Variants in VWC2L observed in about 807,000 individuals in gnomAD.
VWC2L encodes von Willebrand factor C domain-containing protein 2-like.
VWC2L carries 10 observed loss-of-function variants against 21.6 expected under a neutral mutation model. The ratio of observed to expected loss-of-function variants is 0.46; its 90% CI spans 0.29 to 0.78. The LOEUF (loss-of-function observed/expected upper bound fraction) is 0.78. Among genes scored for constraint, VWC2L ranks in the 30% least tolerant of loss-of-function variants. The pLI, the probability that VWC2L is intolerant of heterozygous loss-of-function variation, is 0.10. For synonymous variants in VWC2L, 96 were observed against 94.3 expected, an observed-to-expected ratio of 1.02 and a Z score of -0.10; for missense variants, 209 against 277.1, an observed-to-expected ratio of 0.75 and a Z score of 1.74.
chr2:214,511,141 G>A (rs944627594), intron 3 of VWC2L, among the ~76,000 whole-genome samples: 17 of 151,782 alleles, frequency 1.1e-4, no homozygotes, highest in African/African-American at 4.1e-4. Context: ...TTAAAAATTA[G>A]CCAAATGCAG....
At chr2:214,532,697 A>C (rs2105916767) in intron 3 of VWC2L, among the ~76,000 whole-genome samples, 1 of 152,204 alleles carries the variant, frequency 6.6e-6, no homozygotes, top group African/African-American at 2.4e-5. Context: ...ATTTATAAGC[A>C]AAAAACCTGA....
At chr2:214,432,230 T>G (rs1702610814) in intron 2 of VWC2L, among the ~76,000 whole-genome samples, 1 of 152,236 alleles carries the variant, frequency 6.6e-6, no homozygotes, top group South Asian at 2.1e-4. Flanking sequence ...GTATCTGTCA[T>G]GTGCTAAGAT....
At chr2:214,477,515 A>C (rs1688542192) in intron 3 of VWC2L, among the ~76,000 whole-genome samples, 1 of 152,210 alleles carries the variant, frequency 6.6e-6, no homozygotes, top group Admixed American at 6.5e-5. Flanking sequence ...AGTCCTGCCT[A>C]ATTTCATCAC....
chr2:214,466,209 AC>A (rs1460598401), intron 3 of VWC2L, among the ~76,000 whole-genome samples: 1 of 151,828 alleles, frequency 6.6e-6, no homozygotes, highest in African/African-American at 2.4e-5. Flanking sequence ...ATATTGTTCT[AC>A]CTCTCTCAGT....
chr2:214,477,493 T>G (rs1287493986), intron 3 of VWC2L, among the ~76,000 whole-genome samples: 1 of 152,192 alleles, frequency 6.6e-6, no homozygotes, highest in Non-Finnish European at 1.5e-5. Flanking sequence ...CCACAACCTC[T>G]GGAAAAAGTC....
At chr2:214,570,555 G>A (rs1690135433) in intron 3 of VWC2L, among the ~76,000 whole-genome samples, 1 of 151,948 alleles carries the variant, frequency 6.6e-6, no homozygotes, top group Non-Finnish European at 1.5e-5. Flanking sequence ...CATAGTGATG[G>A]GGTTTTGCCA....
chr2:214,571,206 C>T (rs1373252567), intron 3 of VWC2L, among the ~76,000 whole-genome samples: 2 of 152,280 alleles, frequency 1.3e-5, no homozygotes, highest in Middle Eastern at 6.8e-3. Context: ...CAAAGGAATA[C>T]AGTAATGCAC....
At chr2:214,522,369 C>A (rs1689256634) in intron 3 of VWC2L, among the ~76,000 whole-genome samples, 1 of 97,344 alleles carries the variant, frequency 1.0e-5, no homozygotes, top group Non-Finnish European at 2.1e-5. Context: ...AGCGAGACCC[C>A]GTCTCAAAAA....
At chr2:214,481,992 T>G (rs977176564) in intron 3 of VWC2L, among the ~76,000 whole-genome samples, 5 of 152,272 alleles carry the variant, frequency 3.3e-5, no homozygotes, top group Admixed American at 2.0e-4. Context: ...AATAAAATAT[T>G]GCTCAAAGCA....
chr2:214,497,167 T>C (rs1257467232), intron 3 of VWC2L, among the ~76,000 whole-genome samples: 1 of 151,896 alleles, frequency 6.6e-6, no homozygotes, highest in Non-Finnish European at 1.5e-5. Flanking sequence ...GAATAGTCTT[T>C]GGCTTCAGGC....
intron 3 of VWC2L, among the ~76,000 whole-genome samples, chr2:214,461,975 A>G (rs1703149593): frequency 6.6e-6 from 1 of 152,092 alleles, no homozygotes; most frequent in Non-Finnish European, 1.5e-5. Context: ...TGTGGGATGG[A>G]GTGCTGAGGA....
intron 3 of VWC2L, among the ~76,000 whole-genome samples, chr2:214,488,902 C>A (rs550058292): frequency 1.4e-4 from 21 of 152,250 alleles, no homozygotes; most frequent in African/African-American, 4.8e-4. Context: ...TCACTCACTG[C>A]CACCCTCGGG....
intron 3 of VWC2L, among the ~76,000 whole-genome samples, chr2:214,492,803 C>A (rs1264478263): frequency 2.0e-5 from 3 of 151,994 alleles, no homozygotes; most frequent in Non-Finnish European, 4.4e-5. Flanking sequence ...ACAAACAAAC[C>A]CCACATGTCA....
At chr2:214,454,606 T>C (rs560120777) in intron 3 of VWC2L, among the ~76,000 whole-genome samples, 1 of 132,160 alleles carries the variant, frequency 7.6e-6, no homozygotes, top group Admixed American at 7.6e-5. Context: ...TTCTTTTTTT[T>C]TTTTTTTTTT....
chr2:214,565,198 TCA>T (rs930765839), intron 3 of VWC2L, among the ~76,000 whole-genome samples: 1 of 152,146 alleles, frequency 6.6e-6, no homozygotes, highest in African/African-American at 2.4e-5. Context: ...ACATTTTTTC[TCA>T]GTTTTTTAAG....
chr2:214,555,143 T>G (rs1278779800), intron 3 of VWC2L, among the ~76,000 whole-genome samples: 6 of 152,316 alleles, frequency 3.9e-5, no homozygotes, highest in African/African-American at 1.2e-4. Context: ...TTTTAACTAT[T>G]CAGGAAGAGT....
At chr2:214,564,243 C>G (rs1159971397) in intron 3 of VWC2L, among the ~76,000 whole-genome samples, 4 of 152,138 alleles carry the variant, frequency 2.6e-5, no homozygotes, top group Non-Finnish European at 5.9e-5. Flanking sequence ...GCCATACTAC[C>G]TAAAGTAATC....
intron 3 of VWC2L, among the ~76,000 whole-genome samples, chr2:214,479,634 A>T (rs757683337): frequency 5.9e-5 from 9 of 152,048 alleles, no homozygotes; most frequent in Non-Finnish European, 1.0e-4. Flanking sequence ...ATGAAACCCC[A>T]TCTCTACTAA....
At chr2:214,433,184 T>TGTATATATATGTATATGTATATAC (rs1702629917) in intron 2 of VWC2L, among the ~76,000 whole-genome samples, 3 of 112,264 alleles carry the variant, frequency 2.7e-5, no homozygotes, top group African/African-American at 9.4e-5. Flanking sequence ...ATATATATAT[T>TGTATATATATGTATATGTATATAC]ATATATAAAT....
Sources: allele counts gnomAD v4.1 joint callset (sites outside exome capture counted in the v4.1 genomes callset), GRCh38; gene constraint gnomAD v4.1.1; transcripts MANE v1.5; gene names NCBI Gene and HGNC (gene_info 2026-07-23, HGNC 2026-07-21).